Variants in MGAT5B observed in about 807,000 individuals in gnomAD.
The protein encoded by MGAT5B is N-acetylglucosaminyl-transferase Vb.
Under a neutral mutation model 95.1 loss-of-function variants are expected in MGAT5B, and 54 were observed. That is an observed-to-expected ratio of 0.57 (90% CI 0.46 to 0.71). The LOEUF is 0.71. Among genes scored for constraint, MGAT5B ranks in the 30% least tolerant of loss-of-function variants. The probability of loss-of-function intolerance (pLI) is 0.00; values close to 1 mark genes in which losing one functional copy is unlikely to be tolerated. For synonymous variants in MGAT5B, 464 were observed against 451.0 expected (o/e 1.03, Z -0.36); for missense variants, 935 against 1,088.6 (o/e 0.86, Z 1.99).
At chr17:76,873,110 G>A (rs1967067005) in intron 2 of MGAT5B, 147 bp downstream of exon 2, 1 of 849,244 alleles carries the variant, frequency 1.2e-6, no homozygotes, top group Non-Finnish European at 1.8e-6. Context: ...TGGGCCGTAT[G>A]ACCCTCCATG....
Position 76,932,677 on chromosome 17 carries a change from G to C in MGAT5B, c.1324G>C (p.Val442Leu). 1 of 1,613,994 alleles carries C rather than the reference G, an allele frequency of 6.2e-7. No homozygotes were observed. The highest frequency in any genetic ancestry group is 8.5e-7 in the Non-Finnish European group (1 of 1,179,918). Residue 442 changes from valine (V) to leucine (L), a missense_variant, in exon 11 of 18, where the codon GTG becomes CTG. Around this residue, in one of 4 missense-constraint regions of MGAT5B, gnomAD observed 440 missense variants for 523.6 expected, o/e 0.84. Transcript: ENST00000569840. The part of the protein sequence containing the change: ...HTPDNSFMGF[V>L]SEELNETEKR... ...CCCCGACAACTCCTTCATGGGCTTC[G>C]TGTCCGAGGAGCTCAACGAGACGGA...
At chr17:76,882,008 A>C in intron 2 of MGAT5B, 143 bp from the exon 3 acceptor site, 1 of 791,140 alleles carries the variant, frequency 1.3e-6, no homozygotes, top group Non-Finnish European at 2.0e-6. Context: ...GTGCCTGGGA[A>C]GATGGAGCTG....
chr17:76,878,271 G>A (rs1454812546), intron 2 of MGAT5B, among the ~76,000 whole-genome samples: 1 of 152,148 alleles, frequency 6.6e-6, no homozygotes, highest in Non-Finnish European at 1.5e-5. Flanking sequence ...AGGGGTAGGG[G>A]CTGTCTCCCC....
At chr17:76,884,688 C>T (rs1055393316) in intron 3 of MGAT5B, among the ~76,000 whole-genome samples, 1 of 151,190 alleles carries the variant, frequency 6.6e-6, no homozygotes, top group Non-Finnish European at 1.5e-5. Context: ...ACTGCAAGCT[C>T]TGCCTCCCGG....
intron 3 of MGAT5B, among the ~76,000 whole-genome samples, chr17:76,891,165 A>G (rs935393820): frequency 6.6e-6 from 1 of 151,112 alleles, no homozygotes; most frequent in East Asian, 2.0e-4. Context: ...GGGTTTCACC[A>G]TGTTGGACAG....
intron 8 of MGAT5B, among the ~76,000 whole-genome samples, chr17:76,907,684 A>G (rs990098460): frequency 6.6e-6 from 1 of 152,214 alleles, no homozygotes; most frequent in African/African-American, 2.4e-5. Flanking sequence ...TGGACATGTC[A>G]CCTGATGTAC....
chr17:76,948,556 A>T, intron 17 of MGAT5B, 84 bp from the exon 18 acceptor site: 1 of 1,365,980 alleles, frequency 7.3e-7, no homozygotes, highest in Non-Finnish European at 1.0e-6. Context: ...AGGCAGGACT[A>T]GGCTGGGGGC....
At chr17:76,874,432 G>A (rs1464081802) in intron 2 of MGAT5B, among the ~76,000 whole-genome samples, 1 of 152,090 alleles carries the variant, frequency 6.6e-6, no homozygotes, top group Non-Finnish European at 1.5e-5. Flanking sequence ...CAGTCGTGAA[G>A]GTGAACCGGA....
chr17:76,892,512 C>T (rs1339758437), intron 3 of MGAT5B, among the ~76,000 whole-genome samples: 2 of 152,178 alleles, frequency 1.3e-5, no homozygotes, highest in African/African-American at 4.8e-5. Context: ...AGGGCACTGG[C>T]ACAGAACATT....
intron 3 of MGAT5B, among the ~76,000 whole-genome samples, chr17:76,892,625 T>C (rs1967914354): frequency 6.6e-6 from 1 of 152,232 alleles, no homozygotes; most frequent in African/African-American, 2.4e-5. Context: ...TGTGAAAGGA[T>C]ATGGATGAAA....
At chr17:76,900,915 G>A (rs953634140) in intron 3 of MGAT5B, among the ~76,000 whole-genome samples, 1 of 113,350 alleles carries the variant, frequency 8.8e-6, no homozygotes, top group African/African-American at 4.2e-5. Context: ...GTGTGTGCGT[G>A]TGTACATGTG....
rs775603524 is a variant in MGAT5B at position 76,904,410 on chromosome 17, C to T, written c.678C>T (p.Leu226=). 6.4e-6 allele frequency: 10 copies of T among 1,558,680 alleles called. No individual in the cohort carries two copies. The African/African-American group carries it at 8.1e-5, about 13-fold the overall frequency. The part of the protein sequence containing the change: ...QTAAQRAPKP[L]PKVQAVFRSN... ...CTGCCCAGAGGGCACCCAAGCCCCT[C>T]CCCAAAGTCCAGGTGGGCCTGGGAG... is the stretch of plus-strand genomic sequence containing the variant. The change falls in exon 6 of 18, where the codon CTC becomes CTT. Residue 226 remains leucine (L), a synonymous_variant. Transcript: ENST00000569840.
intron 3 of MGAT5B, among the ~76,000 whole-genome samples, chr17:76,895,891 G>T (rs551701077): frequency 1.8e-4 from 27 of 152,260 alleles, no homozygotes; most frequent in Middle Eastern, 3.4e-3. Flanking sequence ...GATCTACAAG[G>T]GGTTTTTTTG....
At chr17:76,941,577 C>T (rs957308665) in intron 15 of MGAT5B, among the ~76,000 whole-genome samples, 1 of 152,210 alleles carries the variant, frequency 6.6e-6, no homozygotes, top group Non-Finnish European at 1.5e-5. Flanking sequence ...ATAATTGCTC[C>T]AGGCCGGGAA....
At position 76,882,193 on chromosome 17, in the gene MGAT5B, G is replaced by A. The variant is rs763139701; in HGVS notation, c.224G>A (p.Ser75Asn). 2.1e-4 allele frequency: 335 copies of A among 1,613,392 alleles called. No homozygotes were observed. The highest frequency in any genetic ancestry group is 2.8e-4 in the Non-Finnish European group (325 of 1,179,842). ...TCCCGCGGCGTCCTGCGCAAGATGA[G>A]CGACCTGCTGGAGCTGATGGTGAAG... ...PESRGVLRKM[S>N]DLLELMVKRM... Residue 75 changes from serine to asparagine, a missense_variant, in exon 3 of 18, where the codon AGC (serine) becomes AAC (asparagine). By Grantham distance (46) the Ser-to-Asn change is conservative. Transcript: ENST00000569840.
intron 17 of MGAT5B, 70 bp from the exon 18 acceptor site, chr17:76,948,570 C>A: frequency 6.9e-7 from 1 of 1,449,080 alleles, no homozygotes; most frequent in Non-Finnish European, 9.5e-7. Flanking sequence ...TGGGGGCAGC[C>A]CCTACCCCGC....
At chr17:76,884,602 AT>A (rs11338232) in intron 3 of MGAT5B, among the ~76,000 whole-genome samples, 36,993 of 125,436 alleles carry the variant, frequency 0.29, 5,380 homozygotes, top group East Asian at 0.52. Flanking sequence ...TGCCCAGCTA[AT>A]TTTTTTTTTT....
rs376875305 is a variant in MGAT5B at position 76,872,796 on chromosome 17, G to A, written c.69-55G>A. On this transcript the variant is annotated intron_variant, in intron 1 of 17. Transcript: ENST00000569840. ...TTGTGCAGCCGGTACGTGGTGGAGC[G>A]TCAGGGCACGATGGCCCTTCCTGCC... 16 of 1,613,880 alleles carry A rather than the reference G, an allele frequency of 9.9e-6. No individual in the cohort carries two copies. The highest frequency in any genetic ancestry group is 1.6e-4 in the Middle Eastern group (1 of 6,084).
chr17:76,920,603 A>G (rs1969095865), intron 8 of MGAT5B, among the ~76,000 whole-genome samples: 1 of 152,176 alleles, frequency 6.6e-6, no homozygotes, highest in African/African-American at 2.4e-5. Context: ...AGACACCTCC[A>G]GGGACGTCCT....
Sources: gnomAD v4.1 joint callset for allele counts (sites outside exome capture counted in the v4.1 genomes callset) on GRCh38, gnomAD v4.1.1 for gene constraint, gnomAD v4.1.1 regional missense constraint, MANE v1.5 for transcripts, NCBI Gene and HGNC (gene_info 2026-07-23, HGNC 2026-07-21) for gene names.